The following PKIB variants were observed in gnomAD, a reference collection of about 807,000 sequenced individuals.
PKIB encodes the protein cAMP-dependent protein kinase inhibitor beta, also known as PKI-beta.
In PKIB, 2 loss-of-function variants were observed where a neutral mutation model predicts 4.5. The observed-to-expected ratio is 0.44, with a 90% CI of 0.18 to 1.39. PKIB has a LOEUF of 1.39. Ranked by LOEUF, PKIB falls within the 40% of genes most tolerant of loss-of-function variation. PKIB has a pLI of 0.27. For synonymous variants in PKIB, 38 were observed against 36.0 expected (o/e 1.06, Z -0.20); for missense variants, 94 against 92.6 (o/e 1.02, Z -0.06).
intron 3 of PKIB, among the ~76,000 whole-genome samples, chr6:122,677,402 C>A (rs1030916012): frequency 2.0e-5 from 3 of 152,076 alleles, no homozygotes; most frequent in Non-Finnish European, 4.4e-5. Context: ...CTCACTGCAT[C>A]GCTAACTTTT....
intron 2 of PKIB, among the ~76,000 whole-genome samples, chr6:122,533,802 T>A (rs1777328547): frequency 6.6e-6 from 1 of 152,140 alleles, no homozygotes; most frequent in South Asian, 2.1e-4. Flanking sequence ...TGCGTTTTCC[T>A]CTTATTACTG....
At chr6:122,657,534 G>A (rs187625758) in intron 2 of PKIB, among the ~76,000 whole-genome samples, 35 of 152,346 alleles carry the variant, frequency 2.3e-4, no homozygotes, top group African/African-American at 8.2e-4. Flanking sequence ...TTTTAGTGAA[G>A]TATGTAGAAT....
intron 2 of PKIB, among the ~76,000 whole-genome samples, chr6:122,634,279 G>A (rs978186037): frequency 6.6e-6 from 1 of 151,956 alleles, no homozygotes; most frequent in African/African-American, 2.4e-5. Flanking sequence ...GATGGGTGCA[G>A]CAAACCACCA....
chr6:122,623,020 G>A (rs1335660012), intron 1 of PKIB, among the ~76,000 whole-genome samples: 2 of 152,136 alleles, frequency 1.3e-5, no homozygotes, highest in East Asian at 1.9e-4. Flanking sequence ...CATGGAATAC[G>A]TAACTTTCCA....
At chr6:122,622,996 A>G (rs1775302197) in intron 1 of PKIB, among the ~76,000 whole-genome samples, 1 of 152,210 alleles carries the variant, frequency 6.6e-6, no homozygotes, top group Non-Finnish European at 1.5e-5. Flanking sequence ...AATGCAAAGT[A>G]ATTTTTTATG....
At chr6:122,622,998 T>C (rs901680169) in intron 1 of PKIB, among the ~76,000 whole-genome samples, 1 of 152,214 alleles carries the variant, frequency 6.6e-6, no homozygotes, top group Non-Finnish European at 1.5e-5. Flanking sequence ...TGCAAAGTAA[T>C]TTTTTATGCT....
chr6:122,580,235 G>C (rs893961345), intron 2 of PKIB, among the ~76,000 whole-genome samples: 1 of 152,044 alleles, frequency 6.6e-6, no homozygotes, highest in Non-Finnish European at 1.5e-5. Context: ...AATGTTTCAC[G>C]TGGAGTCTAA....
chr6:122,481,520 A>G (rs191389476), intron 2 of PKIB: 1 of 152,196 alleles, frequency 6.6e-6, no homozygotes, highest in African/African-American at 2.4e-5. Flanking sequence ...AAGCAGTATC[A>G]TATCAAAACT....
intron 3 of PKIB, among the ~76,000 whole-genome samples, chr6:122,676,807 T>G (rs1206041906): frequency 6.6e-6 from 1 of 152,222 alleles, no homozygotes; most frequent in Non-Finnish European, 1.5e-5. Flanking sequence ...ATTACACATT[T>G]TGCGGCAATA....
rs576902836 is a variant in PKIB, at chr6:122,720,503, G to A, written c.169+2540G>A. Among the ~76,000 whole-genome samples the A allele has an allele frequency of 1.6e-4, 25 of 152,192 alleles. No homozygotes were observed. The South Asian group carries it at 4.8e-3, about 29-fold the overall frequency. ...GAATTGGAGGATAACTCCTAGAGCA[G>A]TCAGGCAGGTGCTGATGCCATACAC... On this transcript the variant is annotated intron_variant, in intron 4 of 4. Transcript: ENST00000368452.
intron 2 of PKIB, among the ~76,000 whole-genome samples, chr6:122,522,073 A>T (rs1337863139): frequency 6.6e-6 from 1 of 152,172 alleles, no homozygotes; most frequent in South Asian, 2.1e-4. Flanking sequence ...CAAAAAAATC[A>T]CTTGAATTTG....
chr6:122,505,511 A>C (rs1776370784), intron 2 of PKIB, among the ~76,000 whole-genome samples: 1 of 152,212 alleles, frequency 6.6e-6, no homozygotes, highest in African/African-American at 2.4e-5. Flanking sequence ...CAGCATAAAT[A>C]GATACACATT....
At chr6:122,538,203 T>A (rs1290618435) in intron 2 of PKIB, among the ~76,000 whole-genome samples, 4 of 151,956 alleles carry the variant, frequency 2.6e-5, no homozygotes, top group African/African-American at 9.7e-5. Context: ...TTTGTCAATT[T>A]TGGCTTTTGT....
chr6:122,506,911 C>A (rs1776423011), intron 2 of PKIB, among the ~76,000 whole-genome samples: 1 of 151,562 alleles, frequency 6.6e-6, no homozygotes, highest in Non-Finnish European at 1.5e-5. Context: ...CCGTGTTAGC[C>A]AGGATGGTCT....
chr6:122,686,558 C>A (rs1778098997), intron 3 of PKIB, among the ~76,000 whole-genome samples: 1 of 151,884 alleles, frequency 6.6e-6, no homozygotes, highest in Admixed American at 6.6e-5. Context: ...AGTGCAGTGG[C>A]ATGATCATGG....
At chr6:122,617,675 T>A (rs374130699) in intron 1 of PKIB, among the ~76,000 whole-genome samples, 2 of 152,298 alleles carry the variant, frequency 1.3e-5, no homozygotes, top group African/African-American at 4.8e-5. Context: ...TTGATTTGTT[T>A]TCTTTTTGTA....
intron 2 of PKIB, among the ~76,000 whole-genome samples, chr6:122,576,668 CAAA>C (rs71867898): frequency 1.7e-4 from 2 of 12,014 alleles, no homozygotes; most frequent in East Asian, 3.8e-3. Flanking sequence ...GACTCCATCT[CAAA>C]AAAAAAAAAA....
intron 3 of PKIB, among the ~76,000 whole-genome samples, chr6:122,592,230 A>T (rs1284624723): frequency 1.3e-5 from 2 of 152,140 alleles, no homozygotes; most frequent in African/African-American, 2.4e-5. Context: ...CATCATTTAC[A>T]TAGAGGATAA....
At chr6:122,579,536 T>TTAC (rs1158994541) in intron 2 of PKIB, among the ~76,000 whole-genome samples, 2 of 152,224 alleles carry the variant, frequency 1.3e-5, no homozygotes, top group East Asian at 3.8e-4. Flanking sequence ...AATTTGTATA[T>TTAC]TACTCATATT....
Sources: gnomAD v4.1 joint callset for allele counts (sites outside exome capture counted in the v4.1 genomes callset) on GRCh38, gnomAD v4.1.1 for gene constraint, MANE v1.5 for transcripts, NCBI Gene and HGNC (gene_info 2026-07-23, HGNC 2026-07-21) for gene names.